GBP7: variants seen among roughly 807,000 people sequenced by gnomAD.
GBP7 encodes the protein guanylate-binding protein 7.
A neutral mutation model predicts 61.3 loss-of-function variants in GBP7; 43 were observed. That is an observed-to-expected ratio of 0.70 (90% CI 0.55 to 0.91). The LOEUF (loss-of-function observed/expected upper bound fraction) is 0.91. GBP7 is among the 40% of genes least tolerant of loss of function. The probability of loss-of-function intolerance (pLI) is 0.00; values close to 1 mark genes in which losing one functional copy is unlikely to be tolerated. For missense variants in GBP7, 717 were observed against 740.5 expected, an observed-to-expected ratio of 0.97 and a Z score of 0.37; for synonymous variants, 267 against 271.0, an observed-to-expected ratio of 0.99 and a Z score of 0.14.
chr1:89,135,896 T>G (rs148276063), intron 9 of GBP7, among the ~76,000 whole-genome samples: 110 of 152,236 alleles, frequency 7.2e-4, no homozygotes, highest in African/African-American at 2.6e-3. Flanking sequence ...AAGACCCAAC[T>G]GTCTTCGATG....
At chr1:89,147,815 A>C in intron 7 of GBP7, 36 bp from the exon 8 acceptor site, 3 of 1,604,598 alleles carry the variant, frequency 1.9e-6, no homozygotes, top group Non-Finnish European at 2.6e-6. Context: ...AGTAGAAAGA[A>C]GCTGTTAGAA....
At position 89,150,486 on chromosome 1, in the gene GBP7, G is replaced by T. The variant is rs754174586; in HGVS notation, c.715C>A (p.Pro239Thr). The stretch of plus-strand genomic sequence containing the variant: ...AGTAAGAGTTTTTTGTCATTTATTG[G>T]CCGGTCAAAGACAAAGCACTTCTGT... ...PKQKCFVFDRPINDKKLLLHV... is the reference protein window; with the variant it reads ...PKQKCFVFDRTINDKKLLLHV... The change falls in exon 6 of 11, where the codon CCA becomes ACA. Residue 239 changes from proline (P) to threonine (T), a missense_variant. By Grantham distance (38) the Pro-to-Thr change is conservative. Transcript: ENST00000294671. The T allele has an allele frequency of 1.2e-6, 2 of 1,613,970 alleles. No homozygotes were observed. Among genetic ancestry groups the T allele is most frequent in the East Asian group, 2.2e-5 (1 of 44,864 alleles).
chr1:89,132,350 A>AT lies in GBP7; in HGVS notation c.1715dup (p.Asn572LysfsTer2). On this transcript the variant is annotated frameshift_variant, in exon 11 of 11. Coordinates refer to ENST00000294671, the MANE Select transcript of GBP7 (RefSeq NM_207398.3). LOFTEE classifies it low-confidence loss of function (END_TRUNC). ...GTTCTTTCAGTCGATTAATCTCTTC[A>AT]TTTAACGACTCAAATATCTCTTTAA... is the stretch of plus-strand genomic sequence containing the variant. 1 of 1,612,702 alleles carries AT rather than the reference A, an allele frequency of 6.2e-7. No individual in the cohort carries two copies. The highest frequency in any genetic ancestry group is 8.5e-7 in the Non-Finnish European group (1 of 1,178,986).
At chr1:89,154,440 G>A (rs1682268088) in intron 3 of GBP7, among the ~76,000 whole-genome samples, 1 of 152,024 alleles carries the variant, frequency 6.6e-6, no homozygotes, top group South Asian at 2.1e-4. Context: ...TCCACCTTCT[G>A]GGTTCAAGCA....
At chr1:89,161,379 C>T (rs1647261992) in intron 3 of GBP7, among the ~76,000 whole-genome samples, 1 of 152,158 alleles carries the variant, frequency 6.6e-6, no homozygotes, top group African/African-American at 2.4e-5. Context: ...AACTAATTTA[C>T]ACTCCCACCA....
At chr1:89,147,911 A>C in intron 7 of GBP7, 132 bp from the exon 8 acceptor site, 1 of 868,962 alleles carries the variant, frequency 1.2e-6, no homozygotes, top group Non-Finnish European at 1.8e-6. Context: ...AAGAGTCAGA[A>C]GACTTGTTTT....
At chr1:89,163,597 AC>A (rs11296834) in intron 3 of GBP7, among the ~76,000 whole-genome samples, 112,001 of 151,886 alleles carry the variant, frequency 0.74, 41,596 homozygotes, top group African/African-American at 0.81. Flanking sequence ...GTCAGTGGTA[AC>A]CATCCCCCTG....
Position 89,141,593 on chromosome 1 carries a change from A to G in GBP7, c.1421T>C (p.Ile474Thr), listed in dbSNP as rs777370187. The G allele has an allele frequency of 5.0e-6, 8 of 1,613,900 alleles. No individual in the cohort carries two copies. In the African/African-American group the frequency reaches 6.7e-5, roughly 13 times the overall value. ...AGTGAGGGCTTTGTCTGACTGCAGG[A>G]TGGATTCCTCTATAACCACCTGTGA... ...LQSQVVIEES[I>T]LQSDKALTAG... The change falls in exon 9 of 11, where the codon ATC becomes ACC. Residue 474 changes from isoleucine to threonine, a missense_variant. By Grantham distance (89) the Ile-to-Thr change is moderately conservative. This residue lies in a region of GBP7 where 312 missense variants were observed against 310.1 expected (regional missense o/e 1.01). Transcript: ENST00000294671.
chr1:89,138,324 G>GAAC (rs144556477), intron 9 of GBP7, among the ~76,000 whole-genome samples: 1 of 151,724 alleles, frequency 6.6e-6, no homozygotes, highest in African/African-American at 2.4e-5. Context: ...CATCCACATG[G>GAAC]AACAACAACA....
intron 10 of GBP7, 141 bp from the exon 11 acceptor site, chr1:89,132,544 C>G: frequency 1.5e-6 from 1 of 651,388 alleles, no homozygotes; most frequent in South Asian, 2.0e-5. Flanking sequence ...CTGACATTTC[C>G]AGATGACTGG....
chr1:89,145,373 A>G (rs1170445719), intron 8 of GBP7, among the ~76,000 whole-genome samples: 1 of 152,176 alleles, frequency 6.6e-6, no homozygotes, highest in African/African-American at 2.4e-5. Flanking sequence ...CGCCAGTGGT[A>G]GGATTTCTTT....
intron 9 of GBP7, among the ~76,000 whole-genome samples, chr1:89,140,073 A>C (rs1681896966): frequency 6.6e-6 from 1 of 152,128 alleles, no homozygotes; most frequent in Non-Finnish European, 1.5e-5. Flanking sequence ...CTGGATTGAG[A>C]AGATGTGGCA....
intron 8 of GBP7, among the ~76,000 whole-genome samples, chr1:89,147,283 G>C (rs1349874904): frequency 6.6e-6 from 1 of 152,032 alleles, no homozygotes; most frequent in African/African-American, 2.4e-5. Context: ...CTTTCATAGT[G>C]TATTTCTGTA....
Position 89,152,229 on chromosome 1 carries a change from G to T in GBP7, c.625+39C>A, listed in dbSNP as rs375010398. On this transcript the variant is annotated intron_variant, in intron 5 of 10. Coordinates refer to ENST00000294671, the MANE Select transcript of GBP7 (RefSeq NM_207398.3). Reference sequence around the variant, plus strand: ...CGGTAGGTCCTAGTTGATCCCACCCGCTACTGAACCTTCTCCCATCTAGGC... The same window carrying T: ...CGGTAGGTCCTAGTTGATCCCACCCTCTACTGAACCTTCTCCCATCTAGGC... 8.0e-5 allele frequency: 126 copies of T among 1,581,392 alleles called. No homozygotes were observed. In the African/African-American group the frequency reaches 1.5e-3, roughly 19 times the overall value.
intron 9 of GBP7, among the ~76,000 whole-genome samples, chr1:89,140,460 G>GAAAAA (rs56788095): frequency 2.1e-5 from 3 of 143,842 alleles, no homozygotes; most frequent in Admixed American, 6.9e-5. Flanking sequence ...AAAAAAAACT[G>GAAAAA]AAAAAAAAAA....
At chr1:89,134,620 A>C (rs1348936970) in intron 9 of GBP7, among the ~76,000 whole-genome samples, 5 of 103,096 alleles carry the variant, frequency 4.8e-5, no homozygotes, top group African/African-American at 1.1e-4. Context: ...AAAAAAAAAA[A>C]CCCAGTCAGA....
intron 9 of GBP7, among the ~76,000 whole-genome samples, chr1:89,141,280 T>C (rs1243439635): frequency 6.6e-6 from 1 of 152,080 alleles, no homozygotes; most frequent in African/African-American, 2.4e-5. Context: ...AAAATGACTT[T>C]GAAAAAAGCA....
At chr1:89,141,521 T>C in intron 9 of GBP7, 25 bp downstream of exon 9, 1 of 1,603,582 alleles carries the variant, frequency 6.2e-7, no homozygotes, top group Non-Finnish European at 8.5e-7. Context: ...CCCATTTGCC[T>C]GAGAGCTGAG....
intron 1 of GBP7, among the ~76,000 whole-genome samples, chr1:89,174,483 T>G (rs1443249321): frequency 1.3e-5 from 2 of 152,222 alleles, no homozygotes; most frequent in Non-Finnish European, 2.9e-5. Context: ...ATTTAGATCT[T>G]TGGACTGAGC....
Sources: allele counts gnomAD v4.1 joint callset (sites outside exome capture counted in the v4.1 genomes callset), GRCh38; gene constraint gnomAD v4.1.1; regional missense constraint gnomAD v4.1.1; transcripts MANE v1.5; gene names NCBI Gene and HGNC (gene_info 2026-07-23, HGNC 2026-07-21).